Variants in DNAJC15 observed in about 807,000 individuals in gnomAD.
The protein encoded by DNAJC15 is DnaJ heat shock protein family (Hsp40) member C15.
In DNAJC15, 27 loss-of-function variants were observed where a neutral mutation model predicts 22.4. That is an observed-to-expected ratio of 1.20 (90% confidence interval 0.89 to 1.66). The LOEUF is 1.66. Ranked by LOEUF, DNAJC15 falls within the 40% of genes most tolerant of loss-of-function variation. The pLI, the probability that DNAJC15 is intolerant of heterozygous loss-of-function variation, is 0.00. For missense variants in DNAJC15, 208 were observed against 187.1 expected (o/e 1.11, Z -0.65); for synonymous variants, 79 against 63.2 (o/e 1.25, Z -1.19).
At chr13:43,026,972 T>C (rs1437928147) in intron 1 of DNAJC15, among the ~76,000 whole-genome samples, 1 of 152,242 alleles carries the variant, frequency 6.6e-6, no homozygotes, top group East Asian at 1.9e-4. Flanking sequence ...TAATGTTCAT[T>C]AGCCTGCTTA....
At chr13:43,040,443 T>C (rs1593311273) in intron 1 of DNAJC15, among the ~76,000 whole-genome samples, 2 of 152,342 alleles carry the variant, frequency 1.3e-5, no homozygotes, top group South Asian at 4.1e-4. Context: ...GACCCCATAA[T>C]GTTAAGTAGA....
At chr13:43,052,832 TAC>T (rs1158214329) in intron 1 of DNAJC15, among the ~76,000 whole-genome samples, 1 of 152,242 alleles carries the variant, frequency 6.6e-6, no homozygotes, top group Non-Finnish European at 1.5e-5. Context: ...GATTTTCCCC[TAC>T]TCTGTGGGTT....
At chr13:43,104,837 C>T (rs1435857820) in intron 5 of DNAJC15, among the ~76,000 whole-genome samples, 1 of 150,800 alleles carries the variant, frequency 6.6e-6, no homozygotes, top group Non-Finnish European at 1.5e-5. Flanking sequence ...TACAGGTGTG[C>T]ACCACCACAC....
chr13:43,065,582 A>G, intron 1 of DNAJC15, 104 bp from the exon 2 acceptor site: 1 of 940,010 alleles, frequency 1.1e-6, no homozygotes, highest in South Asian at 1.4e-5. Flanking sequence ...TAGAGCTTAA[A>G]GAAAGTGTAG....
At chr13:43,074,583 G>A (rs6561105) in intron 3 of DNAJC15, among the ~76,000 whole-genome samples, 81,237 of 151,926 alleles carry the variant, frequency 0.53, 21,823 homozygotes, top group South Asian at 0.64. Context: ...ATAATGCAAT[G>A]TGGGTATATT....
chr13:43,026,312 A>G (rs1490676564), intron 1 of DNAJC15, among the ~76,000 whole-genome samples: 2 of 152,230 alleles, frequency 1.3e-5, no homozygotes, highest in African/African-American at 4.8e-5. Flanking sequence ...TTAATCTTTT[A>G]AAATTGAGGG....
At chr13:43,060,646 A>T (rs891666510) in intron 1 of DNAJC15, among the ~76,000 whole-genome samples, 7 of 152,160 alleles carry the variant, frequency 4.6e-5, no homozygotes, top group African/African-American at 1.7e-4. Context: ...ATTTTGGAGG[A>T]AAGAGAAATG....
At chr13:43,062,738 G>A (rs977893798) in intron 1 of DNAJC15, among the ~76,000 whole-genome samples, 21 of 151,260 alleles carry the variant, frequency 1.4e-4, no homozygotes, top group Non-Finnish European at 4.4e-5. Flanking sequence ...TTTTTTTTGA[G>A]ACAGAGTTTT....
At chr13:43,063,975 A>G (rs1000444714) in intron 1 of DNAJC15, among the ~76,000 whole-genome samples, 4 of 152,236 alleles carry the variant, frequency 2.6e-5, no homozygotes, top group African/African-American at 7.2e-5. Flanking sequence ...CTTTAAATCA[A>G]TACGTCTTCT....
At chr13:43,035,849 G>T in intron 1 of DNAJC15, among the ~76,000 whole-genome samples, 1 of 151,832 alleles carries the variant, frequency 6.6e-6, no homozygotes, top group East Asian at 1.9e-4. Context: ...GCTTCCCAAG[G>T]AGCTGGGACC....
At chr13:43,065,393 A>T (rs1371051312) in intron 1 of DNAJC15, among the ~76,000 whole-genome samples, 1 of 152,222 alleles carries the variant, frequency 6.6e-6, no homozygotes, top group Admixed American at 6.5e-5. Context: ...CCTATTAAAA[A>T]TCGTCTATAG....
Position 43,107,372 on chromosome 13 carries a change from C to T in DNAJC15, c.*124C>T, listed in dbSNP as rs1183023312. The T allele has an allele frequency of 1.6e-6, 1 of 639,510 alleles. No homozygotes were observed. The highest frequency in any genetic ancestry group is 1.9e-5 in the African/African-American group (1 of 52,102). The allele number at this position is 639,510 out of a possible 1,614,324, so 39.6% of individuals were successfully genotyped here. ...ATGGATTGACCACAGTCTTATCTTC[C>T]ACCATTAAGCTGTATAACAATAAAA... On this transcript the variant is annotated 3_prime_UTR_variant, in exon 6 of 6. Coordinates refer to ENST00000379221, the MANE Select transcript of DNAJC15 (RefSeq NM_013238.3).
chr13:43,046,435 A>G (rs1435126506), intron 1 of DNAJC15, among the ~76,000 whole-genome samples: 1 of 152,148 alleles, frequency 6.6e-6, no homozygotes, highest in Non-Finnish European at 1.5e-5. Context: ...TAGGCCGACT[A>G]AGAATTCCTA....
chr13:43,029,845 G>A (rs1037370262), intron 1 of DNAJC15, among the ~76,000 whole-genome samples: 12 of 152,198 alleles, frequency 7.9e-5, no homozygotes, highest in Admixed American at 7.8e-4. Flanking sequence ...CGTTCTCTCA[G>A]TTCCCAACAT....
chr13:43,105,277 A>G (rs1464237482), intron 5 of DNAJC15, among the ~76,000 whole-genome samples: 2 of 152,142 alleles, frequency 1.3e-5, no homozygotes, highest in East Asian at 3.9e-4. Flanking sequence ...ACTAGTAGTA[A>G]TAATGATAAA....
At chr13:43,068,822 G>A in intron 2 of DNAJC15, 108 bp from the exon 3 acceptor site, 1 of 875,652 alleles carries the variant, frequency 1.1e-6, no homozygotes, top group Non-Finnish European at 1.6e-6. Context: ...AATACTTATT[G>A]CAATAACATA....
In DNAJC15 at chr13:43,039,622, T is replaced by C. The variant is rs1216774302; in HGVS notation, c.108+15888T>C. Among the ~76,000 whole-genome samples, 2 of 152,192 alleles carry C rather than the reference T, an allele frequency of 1.3e-5. 1 individual carries two copies. Among genetic ancestry groups the C allele is most frequent in the East Asian group, 3.8e-4 (2 of 5,206 alleles). ...TTGGCCAAAAAATTCTAATAAAATTTCAGTACAATAATAAAATGATAAAAG... is the reference window on the plus strand; with the variant it reads ...TTGGCCAAAAAATTCTAATAAAATTCCAGTACAATAATAAAATGATAAAAG... On this transcript the variant is annotated intron_variant, in intron 1 of 5. Transcript: ENST00000379221.
rs1593336163 is a variant in DNAJC15 at position 43,109,613 on chromosome 13, T to C, written c.*2365T>C. Reference sequence around the variant, plus strand: ...GAGTCAGATCTGGTTTTGAATACTATCTTCCTGTTATGTGATCTTGGGCAG... The same window carrying C: ...GAGTCAGATCTGGTTTTGAATACTACCTTCCTGTTATGTGATCTTGGGCAG... On this transcript the variant is annotated 3_prime_UTR_variant, in exon 6 of 6. Coordinates refer to ENST00000379221, the MANE Select transcript of DNAJC15 (RefSeq NM_013238.3). 1 of 152,200 alleles carries C rather than the reference T, an allele frequency of 6.6e-6. No individual in the cohort carries two copies. Among genetic ancestry groups the C allele is most frequent in the East Asian group, 1.9e-4 (1 of 5,196 alleles). The allele number at this position is 152,200 out of a possible 1,614,324, so 9.4% of individuals were successfully genotyped here. A position where few individuals can be genotyped will look rare whatever the true frequency, so the allele number is the denominator to read the frequency against.
rs560524552 is a variant in DNAJC15 at position 43,095,172 on chromosome 13, C to T, written c.382+9334C>T. Among the ~76,000 whole-genome samples, 3 of 152,110 alleles carry T rather than the reference C, an allele frequency of 2.0e-5. No individual in the cohort carries two copies. In the South Asian group the frequency reaches 6.2e-4, roughly 32 times the overall value. ...TAGCCAGTCATCCAGGAGGCTGGTA[C>T]AGTAATATGAGTGAGAAATAATGAT... On this transcript the variant is annotated intron_variant, in intron 5 of 5. Coordinates refer to ENST00000379221, the MANE Select transcript of DNAJC15 (RefSeq NM_013238.3).
Sources: gnomAD v4.1 joint callset for allele counts (sites outside exome capture counted in the v4.1 genomes callset) on GRCh38, gnomAD v4.1.1 for gene constraint, MANE v1.5 for transcripts, NCBI Gene and HGNC (gene_info 2026-07-23, HGNC 2026-07-21) for gene names.